Variants in CACNA1E observed in about 807,000 individuals in gnomAD.
CACNA1E encodes the protein calcium voltage-gated channel subunit alpha1 E.
Under a neutral mutation model 259.2 loss-of-function variants are expected in CACNA1E, and 40 were observed. The observed-to-expected ratio is 0.15, with a 90% CI of 0.12 to 0.20. The LOEUF (loss-of-function observed/expected upper bound fraction) is 0.20. CACNA1E is among the 10% of genes least tolerant of loss of function. CACNA1E has a pLI of 1.00. For synonymous variants in CACNA1E, 1,104 were observed against 1,138.5 expected, an observed-to-expected ratio of 0.97 and a Z score of 0.61; for missense variants, 1,874 against 3,040.1, an observed-to-expected ratio of 0.62 and a Z score of 9.02.
chr1:181,350,234 C>A (rs76130662), intron 1 of CACNA1E, among the ~76,000 whole-genome samples: 1 of 152,220 alleles, frequency 6.6e-6, no homozygotes, highest in South Asian at 2.1e-4. Flanking sequence ...TGATATTCTT[C>A]TTCTCTTGAT....
chr1:181,693,461 A>T (rs928096990), intron 7 of CACNA1E, among the ~76,000 whole-genome samples: 3 of 152,214 alleles, frequency 2.0e-5, no homozygotes, highest in African/African-American at 4.8e-5. Flanking sequence ...ACACCATGGA[A>T]TACTATATAT....
At chr1:181,580,858 C>A in intron 6 of CACNA1E, 82 bp downstream of exon 6, 1 of 1,278,284 alleles carries the variant, frequency 7.8e-7, no homozygotes, top group Non-Finnish European at 1.1e-6. Context: ...CCTGGCTAGT[C>A]CGGGGACAGG....
chr1:181,470,041 C>CAG (rs1171232921), intron 2 of CACNA1E, among the ~76,000 whole-genome samples: 2 of 150,824 alleles, frequency 1.3e-5, no homozygotes, highest in East Asian at 2.0e-4. Context: ...AAAAGATTTA[C>CAG]AGAGAGAGAG....
At chr1:181,514,189 C>T (rs1241935794) in intron 3 of CACNA1E, among the ~76,000 whole-genome samples, 3 of 152,282 alleles carry the variant, frequency 2.0e-5, no homozygotes, top group South Asian at 2.1e-4. Context: ...CTAAGATGCA[C>T]GTTTTTCATG....
chr1:181,332,212 C>G (rs994046220), intron 1 of CACNA1E, among the ~76,000 whole-genome samples: 1 of 152,104 alleles, frequency 6.6e-6, no homozygotes, highest in Admixed American at 6.6e-5. Context: ...TGGGGCCTGT[C>G]GAAGACTGGG....
At position 181,608,376 on chromosome 1, in the gene CACNA1E, G is replaced by C. The variant is rs572242655; in HGVS notation, c.951+27600G>C. On this transcript the variant is annotated intron_variant, in intron 6 of 47. Transcript: ENST00000367573. ...CAGTTGAAGAAATTAGTGGGAAATA[G>C]GATTTAAGAAGTTGGCAGGAATGAC... Among the ~76,000 whole-genome samples the C allele has an allele frequency of 2.0e-5, 3 of 152,332 alleles. No individual in the cohort carries two copies. The East Asian group carries it at 5.8e-4, about 29-fold the overall frequency.
At chr1:181,425,464 A>C (rs2102214680) in intron 2 of CACNA1E, among the ~76,000 whole-genome samples, 1 of 151,912 alleles carries the variant, frequency 6.6e-6, no homozygotes, top group Admixed American at 6.6e-5. Flanking sequence ...GGTGAACATA[A>C]TTGGAGGAAT....
chr1:181,647,639 T>C (rs1368423379), intron 6 of CACNA1E, among the ~76,000 whole-genome samples: 2 of 152,174 alleles, frequency 1.3e-5, no homozygotes, highest in Non-Finnish European at 2.9e-5. Context: ...CAAAGGACGC[T>C]TGAGTCATTG....
Position 181,651,427 on chromosome 1 carries a change from G to C in CACNA1E, c.1041G>C (p.Leu347=), listed in dbSNP as rs1408841006. 6.2e-7 allele frequency: 1 copy of C among 1,612,572 alleles called. No individual in the cohort carries two copies. Among genetic ancestry groups the C allele is most frequent in the African/African-American group, 1.3e-5 (1 of 74,868 alleles). ...CCTTCTTTGTTCTCAACCTAGTCCT[G>C]GGAGTGCTTTCCGGGTGAGCCAGAT... ...IGSFFVLNLV[L]GVLSGEFAKE... is the part of the protein sequence containing the mutation. Residue 347 remains leucine (L), a synonymous_variant, in exon 7 of 48, where the codon CTG becomes CTC. Transcript: ENST00000367573.
At chr1:181,430,005 A>G (rs1004287506) in intron 2 of CACNA1E, among the ~76,000 whole-genome samples, 1 of 152,140 alleles carries the variant, frequency 6.6e-6, no homozygotes, top group Non-Finnish European at 1.5e-5. Flanking sequence ...AAATCCCCCT[A>G]TCTCCCTTTT....
intron 6 of CACNA1E, among the ~76,000 whole-genome samples, chr1:181,624,213 C>T (rs1462340860): frequency 1.3e-5 from 2 of 152,160 alleles, no homozygotes; most frequent in Non-Finnish European, 2.9e-5. Context: ...GGGAGATCCA[C>T]TCCCATGACC....
At chr1:181,592,530 GAAAGGTAATT>G (rs1652762573) in intron 6 of CACNA1E, among the ~76,000 whole-genome samples, 1 of 151,578 alleles carries the variant, frequency 6.6e-6, no homozygotes, top group South Asian at 2.1e-4. Flanking sequence ...AAAAGTAGGG[GAAAGGTAATT>G]TATTTCAGTG....
intron 1 of CACNA1E, among the ~76,000 whole-genome samples, chr1:181,372,570 C>A (rs542578260): frequency 6.6e-6 from 1 of 152,174 alleles, no homozygotes; most frequent in East Asian, 1.9e-4. Flanking sequence ...TCCTCTCTTC[C>A]TATTTGGATG....
At chr1:181,612,360 G>A (rs1039775621) in intron 6 of CACNA1E, among the ~76,000 whole-genome samples, 1 of 152,218 alleles carries the variant, frequency 6.6e-6, no homozygotes, top group African/African-American at 2.4e-5. Flanking sequence ...AGGCTTGCCT[G>A]TGAGAGGGTG....
At position 181,572,323 on chromosome 1, in the gene CACNA1E, A is replaced by G. The variant is rs566278523; in HGVS notation, c.513-5443A>G. Among the ~76,000 whole-genome samples, 11 of 152,338 alleles carry G rather than the reference A, an allele frequency of 7.2e-5. 1 individual carries two copies. Among genetic ancestry groups the G allele is most frequent in the African/African-American group, 2.6e-4 (11 of 41,580 alleles). ...TTCTGTTCTGCTGTGCCACTGTGCT[A>G]TGGCCACAATGAGAAAGACTTGTGC... On this transcript the variant is annotated intron_variant, in intron 3 of 47. Coordinates refer to ENST00000367573, the MANE Select transcript of CACNA1E (RefSeq NM_001205293.3).
chr1:181,700,230 AGATCCACT>A (rs773766083), intron 7 of CACNA1E, among the ~76,000 whole-genome samples: 21 of 152,214 alleles, frequency 1.4e-4, no homozygotes, highest in Non-Finnish European at 2.5e-4. Flanking sequence ...TGAAGTCTAA[AGATCCACT>A]GAGCCCCAAA....
chr1:181,573,964 A>G (rs182152660), intron 3 of CACNA1E, among the ~76,000 whole-genome samples: 4 of 152,360 alleles, frequency 2.6e-5, no homozygotes, highest in Non-Finnish European at 4.4e-5. Flanking sequence ...GAATGAGATC[A>G]TGTCCTTTGT....
intron 6 of CACNA1E, among the ~76,000 whole-genome samples, chr1:181,625,636 T>G (rs190308223): frequency 6.6e-6 from 1 of 152,308 alleles, no homozygotes; most frequent in Admixed American, 6.5e-5. Flanking sequence ...GGATTAGGCT[T>G]TGGCTTAAAG....
intron 6 of CACNA1E, among the ~76,000 whole-genome samples, chr1:181,588,277 C>A (rs1392793004): frequency 6.6e-6 from 1 of 152,200 alleles, no homozygotes; most frequent in African/African-American, 2.4e-5. Context: ...CTCAGAGTGT[C>A]TGTCTCTTTT....
Sources: gnomAD v4.1 joint callset for allele counts (sites outside exome capture counted in the v4.1 genomes callset) on GRCh38, gnomAD v4.1.1 for gene constraint, MANE v1.5 for transcripts, NCBI Gene and HGNC (gene_info 2026-07-23, HGNC 2026-07-21) for gene names.